The following TF variants were observed in gnomAD, a reference collection of about 807,000 sequenced individuals.
TF encodes serotransferrin.
A neutral mutation model predicts 82.4 loss-of-function variants in TF; 55 were observed. The ratio of observed to expected loss-of-function variants is 0.67; its 90% CI spans 0.54 to 0.84. The LOEUF is 0.84. Ranked by LOEUF, TF falls within the 40% of genes least tolerant of loss-of-function variation. TF has a pLI of 0.00. For missense variants in TF, 737 were observed against 868.4 expected (o/e 0.85, Z 1.90); for synonymous variants, 332 against 332.6 (o/e 1.00, Z 0.02).
chr3:133,742,508 G>C (rs77563554), upstream of TF, among the ~76,000 whole-genome samples: 988 of 152,176 alleles, frequency 6.5e-3, 11 homozygotes, highest in African/African-American at 0.023. Context: ...GTGTCATGTG[G>C]CATTTCAAAA....
chr3:133,744,068 C>T (rs931265109), upstream of TF, among the ~76,000 whole-genome samples: 3 of 152,174 alleles, frequency 2.0e-5, no homozygotes, highest in Admixed American at 2.0e-4. Flanking sequence ...TCCCATGAGG[C>T]TGTATATTTC....
rs957188270 is a variant in TF, at chr3:133,783,378, A to G, written c.*4758A>G. The stretch of plus-strand genomic sequence containing the variant: ...TAGGCTACTCACTGAAGTGTTTAGA[A>G]GCAGAGTAGCTGAAAATTTTGGCGC... On this transcript the variant is annotated 3_prime_UTR_variant, in exon 17 of 17. Coordinates refer to ENST00000402696, the MANE Select transcript of TF (RefSeq NM_001063.4). 5 of 152,364 alleles carry G rather than the reference A, an allele frequency of 3.3e-5. No homozygotes were observed. The East Asian group carries it at 9.6e-4, about 29-fold the overall frequency. The allele number at this position is 152,364 out of a possible 1,614,324, so 9.4% of individuals were successfully genotyped here.
the TF span, among the ~76,000 whole-genome samples, chr3:133,689,573 T>G: frequency 3.9e-5 from 6 of 152,252 alleles, no homozygotes; most frequent in South Asian, 1.2e-3. Context: ...GCATGAAATT[T>G]TAAAGTTGTA....
At chr3:133,727,116 A>G in the TF span, among the ~76,000 whole-genome samples, 1 of 152,216 alleles carries the variant, frequency 6.6e-6, no homozygotes, top group African/African-American at 2.4e-5. Context: ...TGGTGCTGAA[A>G]AAAATGTATA....
chr3:133,680,430 C>G, the TF span, among the ~76,000 whole-genome samples: 2 of 152,124 alleles, frequency 1.3e-5, no homozygotes, highest in African/African-American at 4.8e-5. Flanking sequence ...TCTCAGACTC[C>G]CTGGGCTCAA....
In TF at chr3:133,764,784, T is replaced by G. The variant is rs923650097; in HGVS notation, c.1298-91T>G. 3.1e-6 allele frequency: 4 copies of G among 1,301,458 alleles called. No homozygotes were observed. In the African/African-American group the frequency reaches 5.9e-5, roughly 19 times the overall value. The allele number at this position is 1,301,458 out of a possible 1,614,324, so 80.6% of individuals were successfully genotyped here. ...GTATAGATAATTTTCTCTGACTTTC[T>G]TTATTCTTAGCTGCAGCATAAAAAA... is the stretch of plus-strand genomic sequence containing the variant. On this transcript the variant is annotated intron_variant, in intron 10 of 16. Transcript: ENST00000402696.
the TF span, among the ~76,000 whole-genome samples, chr3:133,709,047 A>G: frequency 6.6e-6 from 1 of 152,172 alleles, no homozygotes; most frequent in African/African-American, 2.4e-5. Flanking sequence ...TGATTTCAAG[A>G]CACATCCTGT....
the TF span, among the ~76,000 whole-genome samples, chr3:133,735,336 T>TC: frequency 2.4e-5 from 2 of 83,984 alleles, no homozygotes; most frequent in Admixed American, 1.3e-4. Context: ...CAAGACTCCA[T>TC]CCCAAAAAAA....
At chr3:133,708,917 T>C in the TF span, among the ~76,000 whole-genome samples, 1 of 152,026 alleles carries the variant, frequency 6.6e-6, no homozygotes, top group Non-Finnish European at 1.5e-5. Context: ...AGGGATTTAA[T>C]ACAGGGAATT....
In TF at chr3:133,783,626, C is replaced by G. The variant is rs1934569425; in HGVS notation, c.*5006C>G. On this transcript the variant is annotated 3_prime_UTR_variant, in exon 17 of 17. Transcript: ENST00000402696. ...AGAAGTCCTGTAAGACAAAAATAGA[C>G]AAATAAAATGTGAAGATTTTTAAGA... 1.3e-5 allele frequency: 2 copies of G among 152,158 alleles called. No homozygotes were observed. Among genetic ancestry groups the G allele is most frequent in the African/African-American group, 2.4e-5 (1 of 41,448 alleles). 9.4% of individuals were successfully genotyped at this position (152,158 alleles called of 1,614,324 possible). A position where few individuals can be genotyped will look rare whatever the true frequency, so the allele number is the denominator to read the frequency against.
chr3:133,726,835 C>G, the TF span, among the ~76,000 whole-genome samples: 1 of 152,088 alleles, frequency 6.6e-6, no homozygotes, highest in African/African-American at 2.4e-5. Flanking sequence ...CTGAATGCGT[C>G]CCAGAGATTC....
chr3:133,770,855 G>A (rs1053580370), intron 14 of TF: 13 of 513,956 alleles, frequency 2.5e-5, no homozygotes, highest in African/African-American at 2.5e-4. Flanking sequence ...TATTTCCTAA[G>A]AATAAGACAA....
the TF span, among the ~76,000 whole-genome samples, chr3:133,713,625 A>G: frequency 1.3e-5 from 2 of 152,184 alleles, no homozygotes; most frequent in Non-Finnish European, 1.5e-5. Flanking sequence ...AATGAAGCTA[A>G]AGTTAAGGAT....
At position 133,790,196 on chromosome 3, in the gene TF, A is replaced by G. The variant is rs1006267832; in HGVS notation, c.*11576A>G. 1.3e-5 allele frequency: 2 copies of G among 152,134 alleles called. No individual in the cohort carries two copies. The highest frequency in any genetic ancestry group is 1.5e-5 in the Non-Finnish European group (1 of 68,010). The allele number at this position is 152,134 out of a possible 1,614,324, so 9.4% of individuals were successfully genotyped here. A position where few individuals can be genotyped will look rare whatever the true frequency, so the allele number is the denominator to read the frequency against. On this transcript the variant is annotated 3_prime_UTR_variant, in exon 17 of 17. Coordinates refer to ENST00000402696, the MANE Select transcript of TF (RefSeq NM_001063.4). ...AAATCATTTTTGATGCTCATTTAAG[A>G]TCTGGGCCATTTCCAATTAGAAAGG...
Position 133,775,372 on chromosome 3 carries a change from T to A in TF, c.1688-61T>A, listed in dbSNP as rs532167014. On this transcript the variant is annotated intron_variant, in intron 14 of 16. Transcript: ENST00000402696. ...TCTACACACCACTGAGTCAGTTCCA[T>A]CTCCCCAGCGGGGCACCTTGACCAA... 21 of 1,573,468 alleles carry A rather than the reference T, an allele frequency of 1.3e-5. No individual in the cohort carries two copies. In the East Asian group the frequency reaches 1.6e-4, roughly 12 times the overall value.
rs1014685312 is a variant in TF, at chr3:133,782,805, A to T, written c.*4185A>T. Reference sequence around the variant, plus strand: ...ACCCCATCTCTGCAAAAAAAAAAAAAAAAACAAAAAAAACCCCAAAAAACC... The same window carrying T: ...ACCCCATCTCTGCAAAAAAAAAAAATAAAACAAAAAAAACCCCAAAAAACC... On this transcript the variant is annotated 3_prime_UTR_variant, in exon 17 of 17. Transcript: ENST00000402696. The T allele has an allele frequency of 6.6e-6, 1 of 151,790 alleles. No homozygotes were observed. The highest frequency in any genetic ancestry group is 1.5e-5 in the Non-Finnish European group (1 of 68,010). The allele number at this position is 151,790 out of a possible 1,614,324, so 9.4% of individuals were successfully genotyped here. A position where few individuals can be genotyped will look rare whatever the true frequency, so the allele number is the denominator to read the frequency against.
At chr3:133,687,544 A>G in the TF span, among the ~76,000 whole-genome samples, 1 of 152,206 alleles carries the variant, frequency 6.6e-6, no homozygotes, top group East Asian at 1.9e-4. Flanking sequence ...TCACCACCCT[A>G]AAAGAAAACC....
chr3:133,681,795 G>A, the TF span, among the ~76,000 whole-genome samples: 1 of 152,206 alleles, frequency 6.6e-6, no homozygotes, highest in Non-Finnish European at 1.5e-5. Flanking sequence ...CTGAACAAAA[G>A]ACAAAAGAAA....
the TF span, among the ~76,000 whole-genome samples, chr3:133,739,352 C>T: frequency 1.3e-5 from 2 of 151,952 alleles, no homozygotes; most frequent in Admixed American, 1.3e-4. Context: ...GACCTAAAAC[C>T]ATAAAAACTC....
Sources: allele counts gnomAD v4.1 joint callset (sites outside exome capture counted in the v4.1 genomes callset), GRCh38; gene constraint gnomAD v4.1.1; transcripts MANE v1.5; gene names NCBI Gene and HGNC (gene_info 2026-07-23, HGNC 2026-07-21).